ADGRB3: variants seen among roughly 807,000 people sequenced by gnomAD.
ADGRB3 encodes the protein adhesion G protein-coupled receptor B3, also known as brain-specific angiogenesis inhibitor 3.
In ADGRB3, 37 loss-of-function variants were observed where a neutral mutation model predicts 193.4. That is an observed-to-expected ratio of 0.19 (90% CI 0.15 to 0.25). ADGRB3 has a LOEUF of 0.25. Among genes scored for constraint, ADGRB3 ranks in the 10% least tolerant of loss-of-function variants. ADGRB3 has a pLI of 1.00. For missense variants in ADGRB3, 1,637 were observed against 1,852.9 expected (o/e 0.88, Z 2.14); for synonymous variants, 690 against 644.2 (o/e 1.07, Z -1.08).
Position 69,332,178 on chromosome 6 carries a change from A to G in ADGRB3, c.3103-745A>G, listed in dbSNP as rs13199444. ...GCTCATCATAAGCTGGTACAAATAG[A>G]CATCTATGCAGTTTTTACAGTTTTA... On this transcript the variant is annotated intron_variant, in intron 23 of 31. Transcript: ENST00000370598. The G allele has an allele frequency of 2.2e-3, 2,160 of 985,422 alleles. 5 individuals are homozygous for G. Among genetic ancestry groups the G allele is most frequent in the Non-Finnish European group, 2.4e-3 (2,027 of 829,924 alleles). The allele number at this position is 985,422 out of a possible 1,614,324, so 61.0% of individuals were successfully genotyped here.
Position 68,952,135 on chromosome 6 carries a change from C to T in ADGRB3, c.1196-3889C>T, listed in dbSNP as rs140251842. 6.6e-3 allele frequency among the ~76,000 whole-genome samples: 998 copies of T among 152,202 alleles called. 5 individuals carry two copies. The highest frequency in any genetic ancestry group is 0.01 in the Non-Finnish European group (702 of 68,016). ...AAACAGAACTCTTAATTTCTACCCC[C>T]CCAAAGCCTCCCTGTTCTCTATTTT... On this transcript the variant is annotated intron_variant, in intron 6 of 31. Transcript: ENST00000370598.
chr6:69,240,444 T>C (rs2127261214), intron 20 of ADGRB3, among the ~76,000 whole-genome samples: 1 of 152,070 alleles, frequency 6.6e-6, no homozygotes, highest in Admixed American at 6.6e-5. Context: ...AAAGAAAGAA[T>C]CCGAAAGAAA....
At chr6:69,168,966 T>G (rs1775201994) in intron 17 of ADGRB3, among the ~76,000 whole-genome samples, 1 of 152,128 alleles carries the variant, frequency 6.6e-6, no homozygotes, top group Admixed American at 6.6e-5. Context: ...TGCTTTATAA[T>G]ATTTACCATA....
At chr6:69,071,031 A>G (rs922102546) in intron 16 of ADGRB3, among the ~76,000 whole-genome samples, 4 of 152,150 alleles carry the variant, frequency 2.6e-5, no homozygotes, top group African/African-American at 4.8e-5. Flanking sequence ...GCCCTTCACT[A>G]TGGTGAAATA....
At chr6:69,262,693 G>GA (rs1766955544) in intron 20 of ADGRB3, among the ~76,000 whole-genome samples, 1 of 151,980 alleles carries the variant, frequency 6.6e-6, no homozygotes, top group African/African-American at 2.4e-5. Flanking sequence ...GAGAGAGAGA[G>GA]AGGAGACCAC....
intron 3 of ADGRB3, among the ~76,000 whole-genome samples, chr6:68,711,984 A>G (rs1183363037): frequency 6.6e-6 from 1 of 152,064 alleles, no homozygotes; most frequent in Non-Finnish European, 1.5e-5. Context: ...TTTAATGGGA[A>G]TGTATCTTAA....
chr6:68,773,000 T>C (rs1488777550), intron 3 of ADGRB3, among the ~76,000 whole-genome samples: 1 of 146,382 alleles, frequency 6.8e-6, no homozygotes, highest in Non-Finnish European at 1.5e-5. Context: ...CCTTTAGTCC[T>C]AGCTACTTGG....
chr6:68,742,036 T>A (rs919030565), intron 3 of ADGRB3, among the ~76,000 whole-genome samples: 13 of 152,214 alleles, frequency 8.5e-5, no homozygotes, highest in African/African-American at 3.1e-4. Context: ...GTTTGAAGAA[T>A]TTAGCTTAAA....
At chr6:69,092,839 T>G (rs1327760466) in intron 17 of ADGRB3, among the ~76,000 whole-genome samples, 1 of 151,944 alleles carries the variant, frequency 6.6e-6, no homozygotes, top group Non-Finnish European at 1.5e-5. Flanking sequence ...GGGAGAACGT[T>G]TTCAAAAAAG....
intron 17 of ADGRB3, among the ~76,000 whole-genome samples, chr6:69,187,338 T>C (rs373633610): frequency 6.6e-6 from 1 of 152,148 alleles, no homozygotes; most frequent in Non-Finnish European, 1.5e-5. Flanking sequence ...TTGCCAGATA[T>C]GAGGTTTAGG....
At chr6:68,700,832 G>A in intron 3 of ADGRB3, among the ~76,000 whole-genome samples, 1 of 110,006 alleles carries the variant, frequency 9.1e-6, no homozygotes, top group African/African-American at 3.4e-5. Context: ...AGGGTGGGGG[G>A]AGGGGGGAGG....
At chr6:68,786,839 G>T (rs1178915043) in intron 3 of ADGRB3, among the ~76,000 whole-genome samples, 2 of 151,750 alleles carry the variant, frequency 1.3e-5, no homozygotes, top group East Asian at 3.9e-4. Context: ...TTGAGCAGTG[G>T]TTTGTAGTTC....
At chr6:69,013,266 G>A (rs1042724240) in intron 11 of ADGRB3, among the ~76,000 whole-genome samples, 9 of 152,026 alleles carry the variant, frequency 5.9e-5, no homozygotes, top group Admixed American at 5.2e-4. Context: ...CATTGTGAAT[G>A]GAATATGAAC....
chr6:69,337,011 G>C (rs1482824685), intron 24 of ADGRB3, among the ~76,000 whole-genome samples: 1 of 152,126 alleles, frequency 6.6e-6, no homozygotes, highest in African/African-American at 2.4e-5. Flanking sequence ...AGGTCTTCTA[G>C]TTAGACTCAA....
chr6:68,956,546 T>C, intron 7 of ADGRB3, 99 bp from the exon 8 acceptor site: 1 of 1,419,448 alleles, frequency 7.0e-7, no homozygotes, highest in Non-Finnish European at 9.8e-7. Context: ...CAGTAGTAGA[T>C]TAACAAAAAT....
In ADGRB3 at chr6:68,889,538, T is replaced by C. The variant is rs181685111; in HGVS notation, c.758-41021T>C. 3.2e-3 allele frequency among the ~76,000 whole-genome samples: 489 copies of C among 152,004 alleles called. 1 individual carries two copies. The highest frequency in any genetic ancestry group is 5.1e-3 in the Non-Finnish European group (348 of 67,970). On this transcript the variant is annotated intron_variant, in intron 3 of 31. Coordinates refer to ENST00000370598, the MANE Select transcript of ADGRB3 (RefSeq NM_001704.3). ...TTTTTTTTGAGACGGCTTCTCGCTC[T>C]GTCCCCCGGGCTGGAGTGCAGTGGT...
At chr6:68,995,343 C>T (rs1277835172) in intron 11 of ADGRB3, among the ~76,000 whole-genome samples, 1 of 152,150 alleles carries the variant, frequency 6.6e-6, no homozygotes, top group East Asian at 1.9e-4. Flanking sequence ...AAACTCTGTT[C>T]ACAGTTGAAA....
chr6:68,886,694 C>T (rs1247740912), intron 3 of ADGRB3, among the ~76,000 whole-genome samples: 1 of 152,006 alleles, frequency 6.6e-6, no homozygotes, highest in Non-Finnish European at 1.5e-5. Context: ...AGAAATCATC[C>T]TTAACTGTAA....
chr6:69,342,751 T>C (rs1166790670), intron 26 of ADGRB3, among the ~76,000 whole-genome samples: 1 of 152,154 alleles, frequency 6.6e-6, no homozygotes, highest in African/African-American at 2.4e-5. Flanking sequence ...TTCATATCTA[T>C]TAATCTACTT....
Sources: gnomAD v4.1 joint callset for allele counts (sites outside exome capture counted in the v4.1 genomes callset) on GRCh38, gnomAD v4.1.1 for gene constraint, MANE v1.5 for transcripts, NCBI Gene and HGNC (gene_info 2026-07-23, HGNC 2026-07-21) for gene names.